Variants in PRKG2 observed in about 807,000 individuals in gnomAD.
PRKG2 encodes protein kinase cGMP-dependent 2, also known as cGMP-dependent protein kinase 2.
PRKG2 carries 33 observed loss-of-function variants against 97.2 expected under a neutral mutation model. That is an observed-to-expected ratio of 0.34 (90% CI 0.26 to 0.45). PRKG2 has a LOEUF of 0.45. Ranked by LOEUF, PRKG2 falls within the 20% of genes least tolerant of loss-of-function variation. The probability of loss-of-function intolerance (pLI) is 1.00; values close to 1 mark genes in which losing one functional copy is unlikely to be tolerated. For synonymous variants in PRKG2, 330 were observed against 321.8 expected (o/e 1.03, Z -0.27); for missense variants, 638 against 900.0 (o/e 0.71, Z 3.73).
chr4:81,129,008 T>C (rs1367807687), intron 14 of PRKG2, among the ~76,000 whole-genome samples: 1 of 152,196 alleles, frequency 6.6e-6, no homozygotes, highest in Non-Finnish European at 1.5e-5. Context: ...AATTCTGGTA[T>C]GTTGTGTCTT....
chr4:81,169,851 T>A, intron 4 of PRKG2, 83 bp from the exon 5 acceptor site: 1 of 838,244 alleles, frequency 1.2e-6, no homozygotes, highest in Non-Finnish European at 1.8e-6. Flanking sequence ...GGATTTGTTA[T>A]ATGTTCTTAT....
chr4:81,106,991 T>C (rs74776777), intron 15 of PRKG2, among the ~76,000 whole-genome samples: 3,039 of 152,282 alleles, frequency 0.02, 95 homozygotes, highest in African/African-American at 0.069. Flanking sequence ...ACCCAGTTTA[T>C]AGTATTTTGC....
chr4:81,172,781 A>T (rs1265595746), intron 3 of PRKG2, among the ~76,000 whole-genome samples: 1 of 152,102 alleles, frequency 6.6e-6, no homozygotes, highest in African/African-American at 2.4e-5. Flanking sequence ...GCTCTGTATC[A>T]TCTCTGTCCA....
intron 14 of PRKG2, among the ~76,000 whole-genome samples, chr4:81,133,499 C>T (rs1347428973): frequency 6.6e-6 from 1 of 152,062 alleles, no homozygotes; most frequent in Non-Finnish European, 1.5e-5. Context: ...GTGTGATTTC[C>T]ACCAGATACT....
At chr4:81,197,893 T>C (rs1020614582) in intron 2 of PRKG2, among the ~76,000 whole-genome samples, 2 of 152,214 alleles carry the variant, frequency 1.3e-5, no homozygotes, top group Non-Finnish European at 2.9e-5. Context: ...ATTTATTGCA[T>C]TGGATGTATT....
intron 2 of PRKG2, among the ~76,000 whole-genome samples, chr4:81,186,753 G>A (rs1304095830): frequency 6.6e-6 from 1 of 152,214 alleles, no homozygotes; most frequent in African/African-American, 2.4e-5. Context: ...AGAAAAGAGA[G>A]AAGAGTCCAA....
At chr4:81,110,760 GAGAGAGAC>G (rs1743828476) in intron 14 of PRKG2, 149 bp from the exon 15 acceptor site, 1 of 578,848 alleles carries the variant, frequency 1.7e-6, no homozygotes, top group East Asian at 3.2e-5. Flanking sequence ...AAGAGAGAGA[GAGAGAGAC>G]AGACAGACGG....
At chr4:81,194,869 A>G (rs1425038150) in intron 2 of PRKG2, among the ~76,000 whole-genome samples, 1 of 152,188 alleles carries the variant, frequency 6.6e-6, no homozygotes, top group African/African-American at 2.4e-5. Context: ...CCTATAACAC[A>G]ATGCTCCTCA....
intron 8 of PRKG2, among the ~76,000 whole-genome samples, chr4:81,151,263 T>G (rs1748372456): frequency 6.6e-6 from 1 of 152,100 alleles, no homozygotes; most frequent in South Asian, 2.1e-4. Flanking sequence ...CATAGATAAT[T>G]CCAATAAAGT....
At chr4:81,181,386 G>T (rs1342217569) in intron 2 of PRKG2, among the ~76,000 whole-genome samples, 1 of 151,572 alleles carries the variant, frequency 6.6e-6, no homozygotes, top group African/African-American at 2.4e-5. Flanking sequence ...CAGTTAAAAT[G>T]ATGCATAGAA....
chr4:81,217,045 ATATATATATGTG>A (rs1039419081), upstream of PRKG2, among the ~76,000 whole-genome samples: 6 of 140,946 alleles, frequency 4.3e-5, no homozygotes, highest in African/African-American at 1.7e-4. Flanking sequence ...ATATATATAT[ATATATATATGTG>A]TATATATATA....
chr4:81,136,786 G>A (rs1239975910), intron 13 of PRKG2, among the ~76,000 whole-genome samples: 1 of 152,174 alleles, frequency 6.6e-6, no homozygotes, highest in African/African-American at 2.4e-5. Context: ...ACAATGAAAT[G>A]TTTTAAAACT....
chr4:81,139,349 T>C (rs1747023064), intron 12 of PRKG2, among the ~76,000 whole-genome samples: 2 of 152,142 alleles, frequency 1.3e-5, no homozygotes, highest in Admixed American at 1.3e-4. Context: ...CAATTCTGCA[T>C]TAAGTCTGAA....
intron 1 of PRKG2, among the ~76,000 whole-genome samples, chr4:81,213,403 G>C (rs1385915680): frequency 6.6e-6 from 1 of 152,128 alleles, no homozygotes; most frequent in East Asian, 1.9e-4. Flanking sequence ...TTTAGGAGAA[G>C]CATCAGAAAG....
Position 81,089,400 on chromosome 4 carries a change from C to G in PRKG2, c.*308G>C, listed in dbSNP as rs1160186916. ...CGAGAAGGATATGATTGGAATGGAA[C>G]AATAGATTGCAGAAAAAACTGCCAC... On this transcript the variant is annotated 3_prime_UTR_variant, in exon 19 of 19. Coordinates refer to ENST00000264399, the MANE Select transcript of PRKG2 (RefSeq NM_006259.3). 1 of 246,770 alleles carries G rather than the reference C, an allele frequency of 4.1e-6. No homozygotes were observed. The highest frequency in any genetic ancestry group is 7.7e-6 in the Non-Finnish European group (1 of 130,310). The allele number at this position is 246,770 out of a possible 1,614,324, so 15.3% of individuals were successfully genotyped here.
intron 2 of PRKG2, among the ~76,000 whole-genome samples, chr4:81,203,773 T>A (rs187172474): frequency 6.6e-6 from 1 of 152,290 alleles, no homozygotes; most frequent in Admixed American, 6.5e-5. Flanking sequence ...CAAGTATTTA[T>A]ATGTTCTTTT....
chr4:81,150,842 T>C (rs888658981), intron 8 of PRKG2, among the ~76,000 whole-genome samples: 1 of 152,134 alleles, frequency 6.6e-6, no homozygotes, highest in Admixed American at 6.5e-5. Flanking sequence ...TGTATTTATA[T>C]TCTGTTACAA....
chr4:81,157,142 C>T (rs1193030239), intron 6 of PRKG2, among the ~76,000 whole-genome samples: 16 of 151,866 alleles, frequency 1.1e-4, no homozygotes, highest in South Asian at 2.1e-4. Flanking sequence ...AATCCAGGAG[C>T]TGGTTTTTTG....
chr4:81,163,363 C>G (rs934873714), intron 6 of PRKG2, among the ~76,000 whole-genome samples: 1 of 152,024 alleles, frequency 6.6e-6, no homozygotes, highest in Non-Finnish European at 1.5e-5. Flanking sequence ...GCAAAGGTGT[C>G]CCTTAGAGGA....
Sources: allele counts gnomAD v4.1 joint callset (sites outside exome capture counted in the v4.1 genomes callset), GRCh38; gene constraint gnomAD v4.1.1; transcripts MANE v1.5; gene names NCBI Gene and HGNC (gene_info 2026-07-23, HGNC 2026-07-21).